The following PRKN variants were observed in gnomAD, a reference collection of about 807,000 sequenced individuals.
PRKN encodes parkin RBR E3 ubiquitin protein ligase.
In PRKN, 56 loss-of-function variants were observed where a neutral mutation model predicts 59.5. That is an observed-to-expected ratio of 0.94 (90% CI 0.76 to 1.18). The LOEUF (loss-of-function observed/expected upper bound fraction) is 1.18. PRKN is among the 50% of genes most tolerant of loss of function. The pLI is 0.00. For synonymous variants in PRKN, 250 were observed against 222.1 expected (o/e 1.13, Z -1.12); for missense variants, 657 against 596.4 (o/e 1.10, Z -1.06).
At chr6:161,577,148 A>G (rs1169506909) in intron 7 of PRKN, among the ~76,000 whole-genome samples, 1 of 152,234 alleles carries the variant, frequency 6.6e-6, no homozygotes, top group Non-Finnish European at 1.5e-5. Context: ...TATGATGCTT[A>G]GTAGGAACAA....
At chr6:161,831,693 T>C (rs1414721149) in intron 6 of PRKN, among the ~76,000 whole-genome samples, 3 of 152,214 alleles carry the variant, frequency 2.0e-5, no homozygotes, top group African/African-American at 7.2e-5. Flanking sequence ...GGGAATGAAA[T>C]GTAATCTGGG....
At chr6:162,693,918 G>A (rs536489631) in intron 1 of PRKN, among the ~76,000 whole-genome samples, 14 of 152,242 alleles carry the variant, frequency 9.2e-5, no homozygotes, top group South Asian at 6.2e-4. Context: ...ACCTTGTGCA[G>A]CTCTAGGAAT....
chr6:162,194,184 A>C (rs1295149279), intron 4 of PRKN, among the ~76,000 whole-genome samples: 2 of 152,228 alleles, frequency 1.3e-5, no homozygotes, highest in African/African-American at 4.8e-5. Context: ...AAACGTTCTT[A>C]AGAAGATGAA....
At chr6:162,455,034 G>A (rs918158192) in intron 1 of PRKN, among the ~76,000 whole-genome samples, 2 of 152,228 alleles carry the variant, frequency 1.3e-5, no homozygotes, top group Non-Finnish European at 2.9e-5. Flanking sequence ...AGTAAAGAGG[G>A]ACAAGAGAGA....
rs76438888 is a variant in PRKN, at chr6:161,686,217, C to T, written c.871+99555G>A. Among the ~76,000 whole-genome samples, 886 of 152,220 alleles carry T rather than the reference C, an allele frequency of 5.8e-3. 6 individuals are homozygous for T. Among genetic ancestry groups the T allele is most frequent in the African/African-American group, 0.02 (850 of 41,534 alleles). ...CATTAGCATTTAATTATCAATGCCA[C>T]CTTTCAGCCATGGTTCTCCATTTTT... On this transcript the variant is annotated intron_variant, in intron 7 of 11. Coordinates refer to ENST00000366898, the MANE Select transcript of PRKN (RefSeq NM_004562.3).
intron 1 of PRKN, among the ~76,000 whole-genome samples, chr6:162,720,697 G>A (rs1023808598): frequency 6.6e-6 from 1 of 151,742 alleles, no homozygotes; most frequent in African/African-American, 2.4e-5. Context: ...TGATCCACCC[G>A]CCTCGGCCTC....
intron 1 of PRKN, among the ~76,000 whole-genome samples, chr6:162,612,384 C>T (rs112747837): frequency 4.0e-5 from 6 of 151,594 alleles, no homozygotes; most frequent in East Asian, 3.9e-4. Context: ...GGGATCAGGC[C>T]GGACGAAGGT....
At chr6:162,015,459 A>C (rs1177296588) in intron 5 of PRKN, among the ~76,000 whole-genome samples, 1 of 152,170 alleles carries the variant, frequency 6.6e-6, no homozygotes, top group Non-Finnish European at 1.5e-5. Context: ...AACCAACTCA[A>C]TTCAGGGCTG....
At chr6:161,989,779 C>T (rs2128257740) in intron 5 of PRKN, among the ~76,000 whole-genome samples, 1 of 152,264 alleles carries the variant, frequency 6.6e-6, no homozygotes, top group South Asian at 2.1e-4. Flanking sequence ...TGGGCCTGCT[C>T]AGCCTGCCGG....
At chr6:162,107,886 A>G (rs1340282737) in intron 4 of PRKN, among the ~76,000 whole-genome samples, 1 of 152,206 alleles carries the variant, frequency 6.6e-6, no homozygotes, top group Non-Finnish European at 1.5e-5. Flanking sequence ...TTTTCTCTAA[A>G]TGAAAACCCC....
chr6:161,952,519 T>G (rs2128246243), intron 6 of PRKN, among the ~76,000 whole-genome samples: 1 of 152,272 alleles, frequency 6.6e-6, no homozygotes, highest in East Asian at 1.9e-4. Context: ...GTTGGGAGGC[T>G]GAGGCAGGAG....
intron 7 of PRKN, among the ~76,000 whole-genome samples, chr6:161,732,678 A>G (rs1023776506): frequency 4.6e-5 from 7 of 152,246 alleles, no homozygotes; most frequent in South Asian, 2.1e-4. Context: ...TAGTTTGCTT[A>G]GGATAATGGC....
At chr6:162,410,549 G>GT (rs1042448868) in intron 2 of PRKN, among the ~76,000 whole-genome samples, 1 of 152,162 alleles carries the variant, frequency 6.6e-6, no homozygotes, top group Non-Finnish European at 1.5e-5. Flanking sequence ...GCCTCCTTTT[G>GT]TTTTTCTTTT....
rs1373546685 is a variant in PRKN, at chr6:161,527,999, C to T, written c.1083+20855G>A. Among the ~76,000 whole-genome samples, 1 of 152,186 alleles carries T rather than the reference C, an allele frequency of 6.6e-6. No individual in the cohort carries two copies. The highest frequency in any genetic ancestry group is 1.5e-5 in the Non-Finnish European group (1 of 68,034). ...GACTTAGAGTTAACTTGAATAAATT[C>T]CCCTAATCTGAGATTGAAAAGACAG... On this transcript the variant is annotated intron_variant, in intron 9 of 11. Coordinates refer to ENST00000366898, the MANE Select transcript of PRKN (RefSeq NM_004562.3). This position sits in a 1 kb window ranked among gnomAD's most constrained non-coding sequence, Gnocchi z 4.6.
intron 3 of PRKN, among the ~76,000 whole-genome samples, chr6:162,238,149 C>T (rs554880610): frequency 3.0e-4 from 45 of 152,126 alleles, no homozygotes; most frequent in African/African-American, 1.1e-3. Context: ...CAGTCATGTG[C>T]CCCATCTGCA....
intron 6 of PRKN, among the ~76,000 whole-genome samples, chr6:161,906,503 G>T (rs111701970): frequency 6.6e-6 from 1 of 151,866 alleles, no homozygotes; most frequent in Non-Finnish European, 1.5e-5. Context: ...ACTCGACTCT[G>T]GGACTCCATC....
chr6:162,631,564 T>C (rs566747396), intron 1 of PRKN, among the ~76,000 whole-genome samples: 16 of 152,294 alleles, frequency 1.1e-4, no homozygotes, highest in African/African-American at 3.8e-4. Flanking sequence ...CTTGATTTGT[T>C]AGATTCCCTA....
At position 161,386,136 on chromosome 6, in the gene PRKN, T is replaced by A. The variant is rs910249368; in HGVS notation, c.1167+658A>T. ...TTTGGTGTTTAAACCCTTGTTAACA[T>A]CTACATTGGGAGAAAAATAATGAGC... On this transcript the variant is annotated intron_variant, in intron 10 of 11. Coordinates refer to ENST00000366898, the MANE Select transcript of PRKN (RefSeq NM_004562.3). The surrounding 1 kb of genome is among the most constrained non-coding windows in gnomAD (Gnocchi z 4.3). Among the ~76,000 whole-genome samples, 54 of 152,236 alleles carry A rather than the reference T, an allele frequency of 3.5e-4. No individual in the cohort carries two copies. Among genetic ancestry groups the A allele is most frequent in the African/African-American group, 1.3e-3 (53 of 41,460 alleles).
chr6:161,605,099 A>T (rs978249504), intron 7 of PRKN, among the ~76,000 whole-genome samples: 1 of 152,178 alleles, frequency 6.6e-6, no homozygotes, highest in Admixed American at 6.5e-5. Flanking sequence ...TTTTAGAGAA[A>T]CATATTTGAG....
Sources: allele counts gnomAD v4.1 joint callset (sites outside exome capture counted in the v4.1 genomes callset), GRCh38; gene constraint gnomAD v4.1.1; non-coding constraint Gnocchi (gnomAD v3.1); transcripts MANE v1.5; gene names NCBI Gene and HGNC (gene_info 2026-07-23, HGNC 2026-07-21).